The following SSU72 variants were observed in gnomAD, a reference collection of about 807,000 sequenced individuals.
The protein encoded by SSU72 is RNA polymerase II subunit A C-terminal domain phosphatase SSU72.
A neutral mutation model predicts 22.7 loss-of-function variants in SSU72; 12 were observed. That is an observed-to-expected ratio of 0.53 (90% confidence interval 0.34 to 0.86). The LOEUF is 0.86. Among genes scored for constraint, SSU72 ranks in the 40% least tolerant of loss-of-function variants. The pLI is 0.02. For missense variants in SSU72, 151 were observed against 249.8 expected, an observed-to-expected ratio of 0.60 and a Z score of 2.67; for synonymous variants, 116 against 98.3, an observed-to-expected ratio of 1.18 and a Z score of -1.06.
rs1642323477 is a variant in SSU72, at chr1:1,541,830, T to C, written c.*236A>G. 1 of 514,604 alleles carries C rather than the reference T, an allele frequency of 1.9e-6. No homozygotes were observed. Among genetic ancestry groups the C allele is most frequent in the African/African-American group, 1.9e-5 (1 of 51,730 alleles). 31.9% of individuals were successfully genotyped at this position (514,604 alleles called of 1,614,324 possible). A position where few individuals can be genotyped will look rare whatever the true frequency, so the allele number is the denominator to read the frequency against. On this transcript the variant is annotated 3_prime_UTR_variant, in exon 5 of 5. Transcript: ENST00000291386. ...CACACAAACCGTTGTCTTTCCTTTT[T>C]GGTTAAAGAAGAAAAACTTTGTAAT...
rs938835471 is a variant in SSU72, at chr1:1,574,862, A to G, written c.-305T>C. The stretch of plus-strand genomic sequence containing the variant: ...ACTCCACAAGGCCCGGCTGAGCGTC[A>G]CGGCGCCAAGCGGCGGCGTCCTGAC... On this transcript the variant is annotated 5_prime_UTR_variant, in exon 1 of 5. Coordinates refer to ENST00000291386, the MANE Select transcript of SSU72 (RefSeq NM_014188.3). 2.8e-6 allele frequency: 1 copy of G among 361,090 alleles called. No individual in the cohort carries two copies. Among genetic ancestry groups the G allele is most frequent in the Admixed American group, 3.7e-5 (1 of 26,974 alleles). The allele number at this position is 361,090 out of a possible 1,614,324, so 22.4% of individuals were successfully genotyped here.
At chr1:1,565,579 G>A (rs949815464) in intron 1 of SSU72, among the ~76,000 whole-genome samples, 15 of 152,244 alleles carry the variant, frequency 9.9e-5, no homozygotes, top group African/African-American at 1.2e-4. Flanking sequence ...CCAACTGCCC[G>A]CTCCACCACA....
intron 1 of SSU72, among the ~76,000 whole-genome samples, chr1:1,571,512 G>C (rs1642731249): frequency 1.3e-5 from 2 of 150,792 alleles, no homozygotes; most frequent in Admixed American, 6.6e-5. Context: ...ATCCATAATA[G>C]ATGTCACCTT....
chr1:1,556,752 C>T (rs899929694), intron 2 of SSU72, among the ~76,000 whole-genome samples: 2 of 152,166 alleles, frequency 1.3e-5, no homozygotes, highest in Non-Finnish European at 2.9e-5. Flanking sequence ...CTGCAGGCAC[C>T]GTGAAACTAC....
chr1:1,548,871 C>G (rs1642423856), intron 2 of SSU72, among the ~76,000 whole-genome samples: 1 of 152,222 alleles, frequency 6.6e-6, no homozygotes, highest in Admixed American at 6.5e-5. Flanking sequence ...AGCCAATGTC[C>G]TGGCCCTCCC....
At chr1:1,552,116 C>T (rs72634805) in intron 2 of SSU72, among the ~76,000 whole-genome samples, 3,863 of 152,288 alleles carry the variant, frequency 0.025, 99 homozygotes, top group South Asian at 0.04. Flanking sequence ...TGGAGGGCGC[C>T]GGCTGCCCCA....
chr1:1,572,514 T>C (rs1163210841), intron 1 of SSU72, among the ~76,000 whole-genome samples: 2 of 150,186 alleles, frequency 1.3e-5, no homozygotes, highest in East Asian at 4.0e-4. Context: ...TGGAGTGCAG[T>C]GGCATGATCT....
intron 2 of SSU72, chr1:1,564,462 G>T: frequency 6.8e-7 from 1 of 1,470,338 alleles, no homozygotes; most frequent in Non-Finnish European, 9.0e-7. Context: ...AAAGCAATGG[G>T]ATTTTGTGGG....
chr1:1,568,099 G>A (rs1642683913), intron 1 of SSU72, among the ~76,000 whole-genome samples: 1 of 152,142 alleles, frequency 6.6e-6, no homozygotes, highest in African/African-American at 2.4e-5. Context: ...ATGGCAAAAA[G>A]GCTATTTAGC....
chr1:1,556,927 T>C (rs1570390850), intron 2 of SSU72, among the ~76,000 whole-genome samples: 1 of 152,236 alleles, frequency 6.6e-6, no homozygotes, highest in East Asian at 1.9e-4. Flanking sequence ...AGCTCCGTTC[T>C]ACCTCTGTCA....
At chr1:1,555,987 C>T (rs1008742169) in intron 2 of SSU72, among the ~76,000 whole-genome samples, 7 of 151,976 alleles carry the variant, frequency 4.6e-5, no homozygotes, top group Non-Finnish European at 8.8e-5. Context: ...AGAGCGAGAC[C>T]GTCTCGAAAA....
In SSU72 at chr1:1,565,077, C is replaced by T. The variant is rs184864146; in HGVS notation, c.81-161G>A. Reference sequence around the variant, plus strand: ...AATCTAGGCCGGGCATGGTGGCTCGCGCCTGTAATCCCAGCACTTTGGGAG... The same window carrying T: ...AATCTAGGCCGGGCATGGTGGCTCGTGCCTGTAATCCCAGCACTTTGGGAG... On this transcript the variant is annotated intron_variant, in intron 1 of 4. Coordinates refer to ENST00000291386, the MANE Select transcript of SSU72 (RefSeq NM_014188.3). Among the ~76,000 whole-genome samples, 11 of 152,268 alleles carry T rather than the reference C, an allele frequency of 7.2e-5. No individual in the cohort carries two copies. In the East Asian group the frequency reaches 1.4e-3, roughly 19 times the overall value.
At chr1:1,553,619 C>CGAA (rs1642480511) in intron 2 of SSU72, among the ~76,000 whole-genome samples, 2 of 100,806 alleles carry the variant, frequency 2.0e-5, no homozygotes, top group Admixed American at 1.1e-4. Context: ...ACTAAAAATA[C>CGAA]AAAAAAAAAA....
chr1:1,571,599 G>T (rs1642732245), intron 1 of SSU72, among the ~76,000 whole-genome samples: 1 of 152,056 alleles, frequency 6.6e-6, no homozygotes, highest in African/African-American at 2.4e-5. Flanking sequence ...ACAGGTAAAA[G>T]CACACCCAAG....
intron 1 of SSU72, among the ~76,000 whole-genome samples, chr1:1,567,733 A>G (rs537791197): frequency 5.9e-5 from 9 of 152,230 alleles, no homozygotes; most frequent in African/African-American, 1.9e-4. Flanking sequence ...CCTGGCCAAC[A>G]TGGTGAAACC....
chr1:1,544,528 G>A (rs1018082013), intron 3 of SSU72: 77 of 350,346 alleles, frequency 2.2e-4, no homozygotes, highest in Non-Finnish European at 1.7e-4. Context: ...TGAGGCAGGA[G>A]AATCACTTGA....
At position 1,565,114 on chromosome 1, in the gene SSU72, CGG is replaced by C. The variant is rs1642643307; in HGVS notation, c.81-200_81-199del. Among the ~76,000 whole-genome samples, 6 of 43,752 alleles carry C rather than the reference CGG, an allele frequency of 1.4e-4. No individual in the cohort carries two copies. The South Asian group carries it at 8.1e-3, about 59-fold the overall frequency. 28.7% of individuals were successfully genotyped at this position (43,752 alleles called of 152,430 possible). A position where few individuals can be genotyped will look rare whatever the true frequency, so the allele number is the denominator to read the frequency against. ...CAGCACTTTGGGAGGCCAAGGCAGG[CGG>C]ATCATGAAGGCAGGCGGATCATGAA... On this transcript the variant is annotated intron_variant, in intron 1 of 4. Coordinates refer to ENST00000291386, the MANE Select transcript of SSU72 (RefSeq NM_014188.3).
intron 2 of SSU72, among the ~76,000 whole-genome samples, chr1:1,549,936 A>T (rs944781457): frequency 8.7e-5 from 13 of 149,718 alleles, no homozygotes; most frequent in South Asian, 2.1e-4. Context: ...TTGCGCCTCT[A>T]TACTCCAGCC....
chr1:1,556,778 C>T (rs955349725), intron 2 of SSU72, among the ~76,000 whole-genome samples: 8 of 152,216 alleles, frequency 5.3e-5, no homozygotes, highest in African/African-American at 1.7e-4. Flanking sequence ...AAAAGCATCT[C>T]ACCTGCTGCA....
Sources: allele counts gnomAD v4.1 joint callset (sites outside exome capture counted in the v4.1 genomes callset), GRCh38; gene constraint gnomAD v4.1.1; transcripts MANE v1.5; gene names NCBI Gene and HGNC (gene_info 2026-07-23, HGNC 2026-07-21).